The following KIF16B variants were observed in gnomAD, a reference collection of about 807,000 sequenced individuals.
KIF16B encodes kinesin-like protein KIF16B.
A neutral mutation model predicts 156.3 loss-of-function variants in KIF16B; 98 were observed. The ratio of observed to expected loss-of-function variants is 0.63; its 90% CI spans 0.53 to 0.74. The LOEUF (loss-of-function observed/expected upper bound fraction) is 0.74, where lower values mean the gene tolerates loss of function less well. Among genes scored for constraint, KIF16B ranks in the 30% least tolerant of loss-of-function variants. The pLI, the probability that KIF16B is intolerant of heterozygous loss-of-function variation, is 0.00. For synonymous variants in KIF16B, 564 were observed against 583.7 expected, an observed-to-expected ratio of 0.97 and a Z score of 0.49; for missense variants, 1,421 against 1,606.5, an observed-to-expected ratio of 0.88 and a Z score of 1.97.
chr20:16,299,038 C>T (rs1315715833), intron 25 of KIF16B, among the ~76,000 whole-genome samples: 1 of 152,132 alleles, frequency 6.6e-6, no homozygotes, highest in Admixed American at 6.5e-5. Flanking sequence ...GGTATGGCTT[C>T]AACACTGACT....
intron 25 of KIF16B, among the ~76,000 whole-genome samples, chr20:16,307,234 G>A (rs2122659342): frequency 6.6e-6 from 1 of 152,204 alleles, no homozygotes; most frequent in East Asian, 1.9e-4. Flanking sequence ...GTTACTCCTT[G>A]AAATGACAGA....
At chr20:16,514,093 A>G (rs112768830) in intron 4 of KIF16B, among the ~76,000 whole-genome samples, 66 of 152,352 alleles carry the variant, frequency 4.3e-4, no homozygotes, top group African/African-American at 1.5e-3. Context: ...GCACTCAACT[A>G]TAAGATTGGA....
At chr20:16,553,437 G>A (rs754377131) in intron 1 of KIF16B, among the ~76,000 whole-genome samples, 4 of 152,142 alleles carry the variant, frequency 2.6e-5, no homozygotes, top group Admixed American at 1.3e-4. Context: ...GGTGGGGATC[G>A]TACCCTTACT....
intron 25 of KIF16B, among the ~76,000 whole-genome samples, chr20:16,288,350 G>A (rs975857656): frequency 1.3e-5 from 2 of 152,276 alleles, no homozygotes; most frequent in African/African-American, 4.8e-5. Context: ...CTTAGGACAG[G>A]GTCCAATTTA....
chr20:16,555,528 C>T (rs912781545), intron 1 of KIF16B, among the ~76,000 whole-genome samples: 10 of 152,168 alleles, frequency 6.6e-5, no homozygotes, highest in Non-Finnish European at 1.3e-4. Context: ...GGCCATCCTC[C>T]AAGGAAAAGC....
At chr20:16,423,440 A>T (rs1356825543) in intron 15 of KIF16B, among the ~76,000 whole-genome samples, 2 of 152,116 alleles carry the variant, frequency 1.3e-5, no homozygotes, top group Admixed American at 1.3e-4. Context: ...AAGCACTTAC[A>T]AGGAGTTATG....
intron 12 of KIF16B, among the ~76,000 whole-genome samples, chr20:16,435,525 T>C (rs938560393): frequency 9.9e-5 from 15 of 152,264 alleles, no homozygotes; most frequent in Non-Finnish European, 2.2e-4. Context: ...TATATTTTCC[T>C]GGAACACAAT....
chr20:16,573,135 C>G, intron 1 of KIF16B, 94 bp downstream of exon 1: 1 of 1,291,402 alleles, frequency 7.7e-7, no homozygotes, highest in Non-Finnish European at 1.1e-6. Context: ...GCCGGTGACA[C>G]TTTTAAGTCC....
intron 25 of KIF16B, among the ~76,000 whole-genome samples, chr20:16,297,540 C>CA (rs1350099948): frequency 1.3e-5 from 2 of 151,676 alleles, no homozygotes; most frequent in East Asian, 2.0e-4. Context: ...ACTAAAAATG[C>CA]AAAAAATTAG....
At chr20:16,509,175 T>C (rs1448122469) in intron 6 of KIF16B, among the ~76,000 whole-genome samples, 1 of 152,190 alleles carries the variant, frequency 6.6e-6, no homozygotes, top group Non-Finnish European at 1.5e-5. Context: ...TGTTTCCTCA[T>C]TCATTTTTAA....
rs148323885 is a variant in KIF16B at position 16,425,144 on chromosome 20, G to A, written c.1612+1960C>T. ...CCATTCTGTACTAAAAGGAACCATG[G>A]CTCCTTGGAGAATTGGTTAGTTTGA... On this transcript the variant is annotated intron_variant, in intron 15 of 25. Transcript: ENST00000354981. Among the ~76,000 whole-genome samples, 225 of 152,204 alleles carry A rather than the reference G, an allele frequency of 1.5e-3. 2 individuals carry two copies. The highest frequency in any genetic ancestry group is 5.2e-3 in the African/African-American group (214 of 41,544).
intron 12 of KIF16B, among the ~76,000 whole-genome samples, chr20:16,466,007 A>G (rs2067480456): frequency 6.6e-6 from 1 of 152,234 alleles, no homozygotes; most frequent in Non-Finnish European, 1.5e-5. Flanking sequence ...GGTGATGTCT[A>G]ACCACCACAG....
At chr20:16,473,785 T>C (rs1386545623) in intron 12 of KIF16B, among the ~76,000 whole-genome samples, 3 of 152,164 alleles carry the variant, frequency 2.0e-5, no homozygotes, top group Non-Finnish European at 4.4e-5. Context: ...GAGAAACGAA[T>C]AAGAAATTTC....
At chr20:16,382,783 T>A (rs2065130237) in intron 17 of KIF16B, among the ~76,000 whole-genome samples, 1 of 152,058 alleles carries the variant, frequency 6.6e-6, no homozygotes, top group South Asian at 2.1e-4. Flanking sequence ...TATATAATTC[T>A]TAAGCTTATA....
intron 18 of KIF16B, among the ~76,000 whole-genome samples, 186 bp from the exon 19 acceptor site, chr20:16,380,349 C>A (rs544180604): frequency 6.6e-6 from 1 of 152,246 alleles, no homozygotes; most frequent in South Asian, 2.1e-4. Context: ...TATTTTTTAA[C>A]TGTCCAACAT....
chr20:16,472,806 T>C (rs1368766251), intron 12 of KIF16B, among the ~76,000 whole-genome samples: 1 of 152,172 alleles, frequency 6.6e-6, no homozygotes, highest in African/African-American at 2.4e-5. Context: ...TATGTGCCAC[T>C]ACCATGCCAA....
chr20:16,440,541 A>ATG (rs2066768118), intron 12 of KIF16B, among the ~76,000 whole-genome samples: 3 of 34,484 alleles, frequency 8.7e-5, no homozygotes, highest in Admixed American at 6.5e-4. Context: ...GCGCACACAC[A>ATG]CACACACACA....
At chr20:16,551,446 C>A (rs2070660612) in intron 1 of KIF16B, among the ~76,000 whole-genome samples, 1 of 152,162 alleles carries the variant, frequency 6.6e-6, no homozygotes, top group South Asian at 2.1e-4. Context: ...TTTCTCTCTC[C>A]TTTCCTCCTG....
At chr20:16,402,440 T>C (rs2065679000) in intron 17 of KIF16B, among the ~76,000 whole-genome samples, 1 of 152,160 alleles carries the variant, frequency 6.6e-6, no homozygotes, top group Non-Finnish European at 1.5e-5. Flanking sequence ...GAGGATTTGT[T>C]GACAGATGAA....
Sources: allele counts gnomAD v4.1 joint callset (sites outside exome capture counted in the v4.1 genomes callset), GRCh38; gene constraint gnomAD v4.1.1; transcripts MANE v1.5; gene names NCBI Gene and HGNC (gene_info 2026-07-23, HGNC 2026-07-21).